Variants in AFF4 observed in about 807,000 individuals in gnomAD.
AFF4 encodes the protein ALF transcription elongation factor 4, also known as AF4/FMR2 family member 4.
In AFF4, 13 loss-of-function variants were observed where a neutral mutation model predicts 124.8. That is an observed-to-expected ratio of 0.10 (90% CI 0.07 to 0.17). AFF4 has a LOEUF of 0.17. Among genes scored for constraint, AFF4 ranks in the 10% least tolerant of loss-of-function variants. The pLI is 1.00. For missense variants in AFF4, 1,092 were observed against 1,403.8 expected (o/e 0.78, Z 3.55); for synonymous variants, 477 against 496.1 (o/e 0.96, Z 0.51).
intron 5 of AFF4, among the ~76,000 whole-genome samples, chr5:132,923,946 CTGAT>C (rs1761110892): frequency 1.3e-5 from 2 of 152,032 alleles, no homozygotes; most frequent in South Asian, 4.2e-4. Flanking sequence ...TAATAAAATA[CTGAT>C]TGGGAATAAA....
chr5:132,956,449 G>A (rs1382774241), intron 1 of AFF4, among the ~76,000 whole-genome samples: 1 of 151,940 alleles, frequency 6.6e-6, no homozygotes. Context: ...TGGCCAACCT[G>A]GCAAAACCCC....
intron 2 of AFF4, among the ~76,000 whole-genome samples, chr5:132,936,626 A>ACAAAATT (rs1268537107): frequency 6.6e-6 from 1 of 152,244 alleles, no homozygotes; most frequent in African/African-American, 2.4e-5. Context: ...AAATTGAGTT[A>ACAAAATT]CAAAATTCTA....
chr5:132,879,076 T>C lies in AFF4; in HGVS notation c.*1983A>G, dbSNP rs1266809204. ...TTCCTAGAACACACTAAGATTAAGT[T>C]AGAAAGATATCAGAGGCAATTTCTC... On this transcript the variant is annotated 3_prime_UTR_variant, in exon 21 of 21. Coordinates refer to ENST00000265343, the MANE Select transcript of AFF4 (RefSeq NM_014423.4). 9.0e-6 allele frequency: 2 copies of C among 221,178 alleles called. No individual in the cohort carries two copies. Among genetic ancestry groups the C allele is most frequent in the Non-Finnish European group, 1.8e-5 (2 of 110,778 alleles). The allele number at this position is 221,178 out of a possible 1,614,324, so 13.7% of individuals were successfully genotyped here.
At chr5:132,933,156 G>C (rs1036015529) in intron 3 of AFF4, among the ~76,000 whole-genome samples, 1 of 152,038 alleles carries the variant, frequency 6.6e-6, no homozygotes, top group Non-Finnish European at 1.5e-5. Flanking sequence ...CCAGCACTTT[G>C]CGAGGCCGAG....
chr5:132,954,747 C>A (rs1463241900), intron 1 of AFF4, among the ~76,000 whole-genome samples: 1 of 151,806 alleles, frequency 6.6e-6, no homozygotes, highest in Admixed American at 6.6e-5. Context: ...CGGGGTTTCA[C>A]CGTTTTAGCC....
At chr5:132,890,455 A>G (rs1171897806) in intron 13 of AFF4, among the ~76,000 whole-genome samples, 1 of 152,060 alleles carries the variant, frequency 6.6e-6, no homozygotes, top group Non-Finnish European at 1.5e-5. Flanking sequence ...TTATAAATAG[A>G]CCCATAAGGA....
At chr5:132,943,207 C>A in intron 1 of AFF4, 1 of 179,134 alleles carries the variant, frequency 5.6e-6, no homozygotes, top group East Asian at 1.4e-4. Flanking sequence ...CAGCTAATTG[C>A]TGGAGTTAAC....
intron 5 of AFF4, among the ~76,000 whole-genome samples, chr5:132,923,608 T>C (rs1207567196): frequency 2.0e-5 from 3 of 151,960 alleles, no homozygotes; most frequent in Non-Finnish European, 4.4e-5. Flanking sequence ...CTGTAGTGCG[T>C]GGTAGTCAAG....
chr5:132,951,245 T>C (rs1210007033), intron 1 of AFF4, among the ~76,000 whole-genome samples: 5 of 151,912 alleles, frequency 3.3e-5, no homozygotes, highest in Admixed American at 1.3e-4. Context: ...AAAGTCTTCA[T>C]TGGCCCCACA....
chr5:132,931,884 C>T (rs1761307580), intron 4 of AFF4, among the ~76,000 whole-genome samples: 1 of 152,064 alleles, frequency 6.6e-6, no homozygotes. Flanking sequence ...GTGGAGGTTG[C>T]AGTGAGCCAA....
chr5:132,902,453 G>C lies in AFF4; in HGVS notation c.1122C>G (p.His374Gln), dbSNP rs746005385. Residue 374 changes from histidine to glutamine, a missense_variant, in exon 7 of 21, where the codon CAC becomes CAG. Physicochemically the swap from His to Gln is conservative, Grantham distance 24. Transcript: ENST00000265343. ...RYNPSKTSNG[H>Q]QSKSMLKDDL... ...AGCAATAAACTTACGATTTAGACTGGTGCCCATTTGAAGTTTTAGAAGGAT... is the reference window on the plus strand; with the variant it reads ...AGCAATAAACTTACGATTTAGACTGCTGCCCATTTGAAGTTTTAGAAGGAT... The C allele has an allele frequency of 1.9e-6, 3 of 1,608,998 alleles. No homozygotes were observed. The highest frequency in any genetic ancestry group is 1.1e-5 in the South Asian group (1 of 90,956).
At chr5:132,922,415 AAAAG>A (rs1194670591) in intron 5 of AFF4, among the ~76,000 whole-genome samples, 1 of 151,772 alleles carries the variant, frequency 6.6e-6, no homozygotes, top group African/African-American at 2.4e-5. Context: ...CCTTGTCTTA[AAAAG>A]AAAGAAATAA....
intron 5 of AFF4, among the ~76,000 whole-genome samples, chr5:132,923,337 T>C (rs1407885004): frequency 1.4e-5 from 2 of 147,182 alleles, no homozygotes; most frequent in East Asian, 4.0e-4. Flanking sequence ...GATGACAAAG[T>C]GAGACCCTGT....
intron 19 of AFF4, among the ~76,000 whole-genome samples, chr5:132,884,085 T>C (rs908775001): frequency 4.6e-5 from 7 of 152,218 alleles, no homozygotes; most frequent in Admixed American, 2.6e-4. Flanking sequence ...CACCCCAAGC[T>C]TCCTGCCAAT....
At chr5:132,881,488 G>C (rs763450098) in intron 20 of AFF4, among the ~76,000 whole-genome samples, 4 of 152,194 alleles carry the variant, frequency 2.6e-5, no homozygotes, top group Admixed American at 6.5e-5. Context: ...TTAAAATGAA[G>C]ATTTAATGCC....
At chr5:132,886,687 C>G (rs532476540) in intron 17 of AFF4, among the ~76,000 whole-genome samples, 1 of 152,066 alleles carries the variant, frequency 6.6e-6, no homozygotes, top group African/African-American at 2.4e-5. Context: ...TTAAAAATTA[C>G]GAAGGGGTAG....
intron 4 of AFF4, chr5:132,927,567 T>C (rs1761201577): frequency 4.4e-6 from 1 of 226,218 alleles, no homozygotes; most frequent in Non-Finnish European, 8.6e-6. Flanking sequence ...ACATTTACTG[T>C]GTACCTTGAA....
chr5:132,932,954 A>G (rs1244057486), intron 3 of AFF4, among the ~76,000 whole-genome samples: 1 of 152,224 alleles, frequency 6.6e-6, no homozygotes, highest in Admixed American at 6.5e-5. Flanking sequence ...GAGTTTCCCA[A>G]GGCCACTGGA....
chr5:132,904,874 C>A (rs925091932), intron 5 of AFF4, among the ~76,000 whole-genome samples: 1 of 151,878 alleles, frequency 6.6e-6, no homozygotes, highest in African/African-American at 2.4e-5. Context: ...CATGGTGAAA[C>A]CCCGTCTCTA....
Sources: gnomAD v4.1 joint callset for allele counts (sites outside exome capture counted in the v4.1 genomes callset) on GRCh38, gnomAD v4.1.1 for gene constraint, MANE v1.5 for transcripts, NCBI Gene and HGNC (gene_info 2026-07-23, HGNC 2026-07-21) for gene names.